The following ANKRD28 variants were observed in gnomAD, a reference collection of about 807,000 sequenced individuals.
ANKRD28 encodes ankyrin repeat domain 28.
A neutral mutation model predicts 126.5 loss-of-function variants in ANKRD28; 44 were observed. The ratio of observed to expected loss-of-function variants is 0.35; its 90% CI spans 0.27 to 0.45. The LOEUF (loss-of-function observed/expected upper bound fraction) is 0.45, where lower values mean the gene tolerates loss of function less well. ANKRD28 is among the 20% of genes least tolerant of loss of function. The probability of loss-of-function intolerance (pLI) is 1.00; values close to 1 mark genes in which losing one functional copy is unlikely to be tolerated. For synonymous variants in ANKRD28, 442 were observed against 468.5 expected (o/e 0.94, Z 0.73); for missense variants, 1,110 against 1,316.6 (o/e 0.84, Z 2.43).
intron 14 of ANKRD28, among the ~76,000 whole-genome samples, chr3:15,705,963 T>G (rs1327503465): frequency 1.3e-5 from 2 of 151,950 alleles, no homozygotes; most frequent in East Asian, 3.9e-4. Context: ...ACTGCAGCAC[T>G]GCACTCCACC....
Position 15,694,589 on chromosome 3 carries a change from G to A in ANKRD28, c.1761+150C>T, listed in dbSNP as rs1414881142. 8.4e-6 allele frequency: 4 copies of A among 476,358 alleles called. No individual in the cohort carries two copies. The Admixed American group carries it at 1.2e-4, about 15-fold the overall frequency. The allele number at this position is 476,358 out of a possible 1,614,324, so 29.5% of individuals were successfully genotyped here. The stretch of plus-strand genomic sequence containing the variant: ...AACCCAGCACATTAAGTAATTCTCT[G>A]AATTAAAGAAAGTTCTCAAAGTTTT... On this transcript the variant is annotated intron_variant, in intron 17 of 27. Coordinates refer to ENST00000683139, the MANE Select transcript of ANKRD28 (RefSeq NM_001349278.2).
chr3:15,776,438 T>A (rs886530256), intron 2 of ANKRD28, among the ~76,000 whole-genome samples: 7 of 152,236 alleles, frequency 4.6e-5, no homozygotes, highest in African/African-American at 1.7e-4. Context: ...GGTCAATTTT[T>A]AAAACAAAAT....
chr3:15,726,538 T>C (rs1433340425), intron 6 of ANKRD28, among the ~76,000 whole-genome samples: 1 of 152,204 alleles, frequency 6.6e-6, no homozygotes, highest in African/African-American at 2.4e-5. Context: ...TAGGAAGCTA[T>C]AGAGGAAAAG....
chr3:15,685,187 C>G (rs1160585577), intron 21 of ANKRD28, 39 bp downstream of exon 21: 2 of 1,591,730 alleles, frequency 1.3e-6, no homozygotes, highest in Non-Finnish European at 1.7e-6. Flanking sequence ...TATCTCTGTT[C>G]ACTACACAAT....
At position 15,846,918 on chromosome 3, in the gene ANKRD28, G is replaced by A. The variant is rs183150510; in HGVS notation, c.27+12459C>T. Among the ~76,000 whole-genome samples the A allele has an allele frequency of 8.5e-5, 13 of 152,224 alleles. No individual in the cohort carries two copies. The East Asian group carries it at 2.5e-3, about 29-fold the overall frequency. On this transcript the variant is annotated intron_variant, in intron 1 of 27. Coordinates refer to the ANKRD28 transcript ENST00000399451. The surrounding 1 kb of genome is among the most constrained non-coding windows in gnomAD (Gnocchi z 5.4). ...TCAACACTTCTGCTTTATTTCCTAT[G>A]GCCAGATTTCAATCATATGGCCATC... is the stretch of plus-strand genomic sequence containing the variant.
chr3:15,741,505 A>T (rs965716874), intron 4 of ANKRD28, among the ~76,000 whole-genome samples: 1 of 152,148 alleles, frequency 6.6e-6, no homozygotes, highest in African/African-American at 2.4e-5. Context: ...GGAATGTGTA[A>T]GAAATGCTGC....
chr3:15,695,482 TCCC>T (rs2069399923), intron 15 of ANKRD28, among the ~76,000 whole-genome samples: 3 of 152,144 alleles, frequency 2.0e-5, no homozygotes, highest in African/African-American at 7.2e-5. Context: ...ATTGTCAACC[TCCC>T]TTTTCTTGTT....
chr3:15,694,646 G>A (rs2069273686), intron 17 of ANKRD28, 93 bp downstream of exon 17: 4 of 1,053,888 alleles, frequency 3.8e-6, no homozygotes, highest in South Asian at 3.0e-5. Context: ...TGGACCAAAA[G>A]TTTATGGTAC....
intron 6 of ANKRD28, among the ~76,000 whole-genome samples, chr3:15,726,582 A>G (rs2074180165): frequency 6.6e-6 from 1 of 152,262 alleles, no homozygotes; most frequent in Admixed American, 6.5e-5. Flanking sequence ...ATGAGGTTTA[A>G]CGAAAAAAGA....
At chr3:15,803,824 C>T (rs1165623563) in intron 1 of ANKRD28, among the ~76,000 whole-genome samples, 1 of 143,998 alleles carries the variant, frequency 6.9e-6, no homozygotes, top group Non-Finnish European at 1.5e-5. Context: ...ACATCAATAT[C>T]TAAGGTGCAT....
At chr3:15,739,273 C>A in intron 4 of ANKRD28, among the ~76,000 whole-genome samples, 1 of 152,162 alleles carries the variant, frequency 6.6e-6, no homozygotes. Flanking sequence ...TCCATGAAAT[C>A]TTCACCATTT....
At chr3:15,701,363 A>G (rs1447015875) in intron 14 of ANKRD28, among the ~76,000 whole-genome samples, 1 of 152,132 alleles carries the variant, frequency 6.6e-6, no homozygotes, top group African/African-American at 2.4e-5. Context: ...AAGAAGATTA[A>G]GCTGGGTGCA....
At chr3:15,825,853 T>C (rs1027555614) in intron 1 of ANKRD28, among the ~76,000 whole-genome samples, 11 of 152,128 alleles carry the variant, frequency 7.2e-5, no homozygotes, top group Non-Finnish European at 1.3e-4. Context: ...ATATATTTTA[T>C]CTCTTTAGAA....
intron 2 of ANKRD28, among the ~76,000 whole-genome samples, chr3:15,775,173 G>A (rs572584633): frequency 2.6e-5 from 4 of 152,324 alleles, no homozygotes; most frequent in Admixed American, 1.3e-4. Context: ...CACTGTGCCC[G>A]GCCCAGGAGA....
intron 1 of ANKRD28, among the ~76,000 whole-genome samples, chr3:15,825,090 A>G (rs1385106732): frequency 6.6e-6 from 1 of 152,214 alleles, no homozygotes; most frequent in Non-Finnish European, 1.5e-5. Flanking sequence ...TTGCGTTACC[A>G]GTACTCTCCA....
chr3:15,824,080 A>G (rs2061004998), intron 1 of ANKRD28, among the ~76,000 whole-genome samples: 1 of 152,278 alleles, frequency 6.6e-6, no homozygotes, highest in Admixed American at 6.5e-5. Flanking sequence ...AAGAAATAAA[A>G]GCCATTCAAA....
chr3:15,756,551 C>T lies in ANKRD28; in HGVS notation c.281-4731G>A, dbSNP rs190351938. On this transcript the variant is annotated intron_variant, in intron 3 of 27. Transcript: ENST00000683139. ...AGGTCTAACGTTGTGAAGACACAGT[C>T]ATGGGTTAGTGGAAGGAACACTGGA... is the stretch of plus-strand genomic sequence containing the variant. The T allele has an allele frequency of 7.1e-6, 7 of 982,514 alleles. No homozygotes were observed. The East Asian group carries it at 6.8e-4, about 96-fold the overall frequency. 60.9% of individuals were successfully genotyped at this position (982,514 alleles called of 1,614,324 possible).
At chr3:15,775,699 G>C (rs2059230722) in intron 2 of ANKRD28, among the ~76,000 whole-genome samples, 1 of 152,192 alleles carries the variant, frequency 6.6e-6, no homozygotes, top group Non-Finnish European at 1.5e-5. Context: ...CCAGATGAAA[G>C]AGACGTATAA....
intron 4 of ANKRD28, among the ~76,000 whole-genome samples, chr3:15,742,163 T>C (rs932724853): frequency 8.6e-5 from 13 of 151,846 alleles, no homozygotes; most frequent in Non-Finnish European, 1.9e-4. Flanking sequence ...CGCCACCCCG[T>C]CTGGGAAGTG....
Sources: allele counts gnomAD v4.1 joint callset (sites outside exome capture counted in the v4.1 genomes callset), GRCh38; gene constraint gnomAD v4.1.1; non-coding constraint Gnocchi (gnomAD v3.1); transcripts MANE v1.5; gene names NCBI Gene and HGNC (gene_info 2026-07-23, HGNC 2026-07-21).